The following MEIG1 variants were observed in gnomAD, a reference collection of about 807,000 sequenced individuals.
MEIG1 encodes meiosis expressed gene 1 protein homolog.
In MEIG1, 12 loss-of-function variants were observed where a neutral mutation model predicts 11.3. The observed-to-expected ratio is 1.07, with a 90% CI of 0.68 to 1.73. The LOEUF is 1.73. MEIG1 is among the 40% of genes most tolerant of loss of function. The probability of loss-of-function intolerance (pLI) is 0.00; values close to 1 mark genes in which losing one functional copy is unlikely to be tolerated. For synonymous variants in MEIG1, 41 were observed against 33.2 expected (o/e 1.24, Z -0.81); for missense variants, 119 against 104.9 (o/e 1.13, Z -0.59).
chr10:14,971,265 TA>T (rs555818426), intron 2 of MEIG1, among the ~76,000 whole-genome samples: 147 of 146,178 alleles, frequency 1.0e-3, no homozygotes, highest in Middle Eastern at 3.5e-3. Context: ...TAGAAGAAAT[TA>T]AAAAAAAGAT....
At chr10:14,986,503 T>G (rs1405962707) in intron 1 of MEIG1, among the ~76,000 whole-genome samples, 2 of 152,230 alleles carry the variant, frequency 1.3e-5, no homozygotes, top group Non-Finnish European at 2.9e-5. Context: ...TTATTCCATC[T>G]TTCTGTATTT....
chr10:14,954,536 G>C (rs910679494), upstream of MEIG1: 1 of 222,346 alleles, frequency 4.5e-6, no homozygotes, highest in South Asian at 6.4e-5. Flanking sequence ...AGGGTTGTAT[G>C]AGAAAGTTTG....
exon 3 of MEIG1, chr10:14,987,980 T>C (rs1171781141): frequency 6.5e-6 from 1 of 152,686 alleles, no homozygotes; most frequent in African/African-American, 2.4e-5. Flanking sequence ...TACCTGTTAC[T>C]TTTCATATTT....
Position 14,972,813 on chromosome 10 carries a change from A to G in MEIG1, c.*172A>G, listed in dbSNP as rs375084112. The G allele has an allele frequency of 6.9e-6, 4 of 581,152 alleles. No homozygotes were observed. Among genetic ancestry groups the G allele is most frequent in the Admixed American group, 3.5e-5 (1 of 28,722 alleles). The allele number at this position is 581,152 out of a possible 1,614,324, so 36.0% of individuals were successfully genotyped here. A position where few individuals can be genotyped will look rare whatever the true frequency, so the allele number is the denominator to read the frequency against. On this transcript the variant is annotated 3_prime_UTR_variant, in exon 3 of 3. Coordinates refer to ENST00000407572, the MANE Select transcript of MEIG1 (RefSeq NM_001080836.3). ...CTGCTAATCACCTTGTCCTGTTCTA[A>G]GAACTGGCTGCAGATGCATTAAAGT...
chr10:14,963,510 A>G (rs900833406), intron 1 of MEIG1, among the ~76,000 whole-genome samples: 5 of 151,354 alleles, frequency 3.3e-5, no homozygotes, highest in East Asian at 3.8e-4. Context: ...CACATGTCCA[A>G]CTCACCTCTT....
intron 1 of MEIG1, among the ~76,000 whole-genome samples, chr10:14,960,898 G>T (rs1470903816): frequency 3.9e-5 from 6 of 151,958 alleles, no homozygotes; most frequent in Admixed American, 1.3e-4. Context: ...GCATGGTGGC[G>T]CATGCCTGTA....
chr10:14,963,232 G>C (rs1007204633), intron 1 of MEIG1, among the ~76,000 whole-genome samples: 1 of 148,624 alleles, frequency 6.7e-6, no homozygotes, highest in African/African-American at 2.5e-5. Flanking sequence ...GATTAGCTGG[G>C]ATTACAGGCA....
intron 1 of MEIG1, among the ~76,000 whole-genome samples, chr10:14,962,437 TAAC>T (rs1843024908): frequency 6.6e-6 from 1 of 152,192 alleles, no homozygotes. Flanking sequence ...TGCTTAATAA[TAAC>T]CGGAGGATGT....
chr10:14,978,782 C>A (rs1357743023), intron 1 of MEIG1, among the ~76,000 whole-genome samples: 1 of 151,734 alleles, frequency 6.6e-6, no homozygotes, highest in Non-Finnish European at 1.5e-5. Context: ...AATATCCTAG[C>A]GAGATGTGAC....
rs1255230577 is a variant in MEIG1, at chr10:14,961,302, C to G, written c.-30+1745C>G. On this transcript the variant is annotated intron_variant, in intron 1 of 2. Coordinates refer to ENST00000407572, the MANE Select transcript of MEIG1 (RefSeq NM_001080836.3). ...GCGTGGGTACTCGAATTACTGAATG[C>G]GTATTGCTTTTGCACCATGGTAAAG... Among the ~76,000 whole-genome samples, 4 of 152,238 alleles carry G rather than the reference C, an allele frequency of 2.6e-5. No homozygotes were observed. The East Asian group carries it at 7.7e-4, about 29-fold the overall frequency.
In MEIG1 at chr10:14,966,568, G is replaced by A. The variant is rs967835723; in HGVS notation, c.100G>A (p.Asp34Asn). Residue 34 changes from aspartate (D) to asparagine (N), a missense_variant, in exon 2 of 3, where the codon GAT (aspartate) becomes AAT (asparagine). Physicochemically the swap from Asp to Asn is conservative, Grantham distance 23 (BLOSUM62 1). Coordinates refer to ENST00000407572, the MANE Select transcript of MEIG1 (RefSeq NM_001080836.3). ...CAGATTTCAACAAGCAGGATATCGG[G>A]ATGAAACCGAATATAGACAAGTGAA... ...LYRFQQAGYR[D>N]ETEYRQVKQV... The A allele has an allele frequency of 1.9e-6, 3 of 1,611,912 alleles. No individual in the cohort carries two copies. The African/African-American group carries it at 4.0e-5, about 22-fold the overall frequency.
At chr10:14,954,868 T>G (rs575421739), upstream of MEIG1, among the ~76,000 whole-genome samples, 1 of 152,378 alleles carries the variant, frequency 6.6e-6, no homozygotes, top group East Asian at 1.9e-4. Flanking sequence ...TGACATTTAT[T>G]GTGCTCCTTC....
At chr10:14,972,171 C>T (rs1483227715) in intron 2 of MEIG1, among the ~76,000 whole-genome samples, 1 of 152,120 alleles carries the variant, frequency 6.6e-6, no homozygotes, top group African/African-American at 2.4e-5. Flanking sequence ...CCTACCACCA[C>T]ACCCAGCTAA....
At chr10:14,955,438 C>T (rs1842920208), upstream of MEIG1, among the ~76,000 whole-genome samples, 2 of 152,158 alleles carry the variant, frequency 1.3e-5, no homozygotes, top group African/African-American at 4.8e-5. Flanking sequence ...ACCTCAGTGG[C>T]TCATGCCTGT....
chr10:14,966,641 A>AT (rs779614526), intron 2 of MEIG1, 35 bp downstream of exon 2: 1 of 1,583,084 alleles, frequency 6.3e-7, no homozygotes, highest in Non-Finnish European at 8.6e-7. Context: ...TCAACTCGAA[A>AT]TGTATTTCTC....
At chr10:14,981,860 G>C (rs1468253998) in intron 1 of MEIG1, among the ~76,000 whole-genome samples, 1 of 152,156 alleles carries the variant, frequency 6.6e-6, no homozygotes, top group Admixed American at 6.5e-5. Context: ...TGCTTCTTTG[G>C]GGGGACCCCT....
chr10:14,987,360 A>C (rs1843329944), intron 2 of MEIG1: 1 of 787,672 alleles, frequency 1.3e-6, no homozygotes, highest in South Asian at 1.4e-5. Context: ...AGGGACAGCA[A>C]AGCGAGGACA....
chr10:14,979,964 C>A (rs1028397286), intron 1 of MEIG1, among the ~76,000 whole-genome samples: 2 of 151,700 alleles, frequency 1.3e-5, no homozygotes, highest in Admixed American at 1.3e-4. Flanking sequence ...GGATAATTAC[C>A]CTAAAGTCGC....
rs1267810739 is a variant in MEIG1 at position 14,961,699 on chromosome 10, C to T, written c.-30+2142C>T. Reference sequence around the variant, plus strand: ...TTCACCAGGTTGGCTAGGCTGGTCTCGAACCCTTGACCTCAGGTGATCCAC... The same window carrying T: ...TTCACCAGGTTGGCTAGGCTGGTCTTGAACCCTTGACCTCAGGTGATCCAC... On this transcript the variant is annotated intron_variant, in intron 1 of 2. Coordinates refer to ENST00000407572, the MANE Select transcript of MEIG1 (RefSeq NM_001080836.3). 8.6e-5 allele frequency among the ~76,000 whole-genome samples: 12 copies of T among 139,626 alleles called. 1 individual carries two copies. Among genetic ancestry groups the T allele is most frequent in the African/African-American group, 2.9e-4 (11 of 38,050 alleles). The allele number at this position is 139,626 out of a possible 152,430, so 91.6% of individuals were successfully genotyped here. A position where few individuals can be genotyped will look rare whatever the true frequency, so the allele number is the denominator to read the frequency against.
Sources: allele counts gnomAD v4.1 joint callset (sites outside exome capture counted in the v4.1 genomes callset), GRCh38; gene constraint gnomAD v4.1.1; transcripts MANE v1.5; gene names NCBI Gene and HGNC (gene_info 2026-07-23, HGNC 2026-07-21).